Variants in SCGB2B2 observed in about 807,000 individuals in gnomAD.
SCGB2B2 encodes secretoglobin-like protein.
In SCGB2B2, 11 loss-of-function variants were observed where a neutral mutation model predicts 7.6. That is an observed-to-expected ratio of 1.45 (90% confidence interval 0.91 to 2.40). The LOEUF is 2.40. Among genes scored for constraint, SCGB2B2 ranks in the 30% most tolerant of loss-of-function variants. The probability of loss-of-function intolerance (pLI) is 0.00; values close to 1 mark genes in which losing one functional copy is unlikely to be tolerated. For missense variants in SCGB2B2, 104 were observed against 115.4 expected (o/e 0.90, Z 0.45); for synonymous variants, 50 against 48.6 (o/e 1.03, Z -0.12).
chr19:34,673,513 G>C (rs2067851076), intron 1 of SCGB2B2, among the ~76,000 whole-genome samples: 2 of 152,172 alleles, frequency 1.3e-5, no homozygotes, highest in South Asian at 4.1e-4. Flanking sequence ...TACACCATTA[G>C]TGAGCAGGAG....
At chr19:34,645,060 G>A (rs781246968) in intron 1 of SCGB2B2, among the ~76,000 whole-genome samples, 13 of 152,208 alleles carry the variant, frequency 8.5e-5, no homozygotes, top group Admixed American at 2.6e-4. Flanking sequence ...TCCACTGCAC[G>A]CCCAGGTGTC....
chr19:34,656,026 C>T (rs1183986264), intron 1 of SCGB2B2, among the ~76,000 whole-genome samples: 13 of 151,212 alleles, frequency 8.6e-5, no homozygotes, highest in Non-Finnish European at 1.8e-4. Flanking sequence ...CCTCTACATC[C>T]CCCAATTCAT....
At chr19:34,618,406 G>C (rs2066149435) in intron 1 of SCGB2B2, among the ~76,000 whole-genome samples, 1 of 152,178 alleles carries the variant, frequency 6.6e-6, no homozygotes, top group Non-Finnish European at 1.5e-5. Flanking sequence ...CCCAGATTCT[G>C]GCCCTGTATC....
At chr19:34,646,030 T>C in intron 1 of SCGB2B2, 1 of 294,090 alleles carries the variant, frequency 3.4e-6, no homozygotes, top group Non-Finnish European at 6.7e-6. Flanking sequence ...TTTGCCTCTG[T>C]TTCATTCCCA....
chr19:34,599,831 C>T (rs1219361853), intron 1 of SCGB2B2, among the ~76,000 whole-genome samples: 1 of 152,122 alleles, frequency 6.6e-6, no homozygotes, highest in East Asian at 1.9e-4. Context: ...TCCCATTTCT[C>T]CCTTTCCCTC....
intron 1 of SCGB2B2, among the ~76,000 whole-genome samples, chr19:34,675,225 A>C (rs1044353603): frequency 6.6e-6 from 1 of 152,252 alleles, no homozygotes; most frequent in Non-Finnish European, 1.5e-5. Context: ...AATTGGTACA[A>C]CTTTGGAAAA....
chr19:34,590,436 G>A (rs1243310076), downstream of SCGB2B2, among the ~76,000 whole-genome samples: 1 of 151,868 alleles, frequency 6.6e-6, no homozygotes, highest in Non-Finnish European at 1.5e-5. Flanking sequence ...ATCCATAGAT[G>A]CATCTATCCA....
At chr19:34,647,139 T>G (rs1354366872) in intron 1 of SCGB2B2, among the ~76,000 whole-genome samples, 1 of 152,160 alleles carries the variant, frequency 6.6e-6, no homozygotes, top group Admixed American at 6.5e-5. Context: ...CTCGGGCTGT[T>G]GGGACCAGGC....
intron 1 of SCGB2B2, among the ~76,000 whole-genome samples, chr19:34,613,503 C>A (rs2065990829): frequency 2.6e-5 from 4 of 152,180 alleles, no homozygotes; most frequent in Admixed American, 1.3e-4. Context: ...CAGACAGTTT[C>A]TATCTTTTAA....
In SCGB2B2 at chr19:34,594,700, T is replaced by A. The variant is rs112981028; in HGVS notation, c.-137A>T. 3.5e-4 allele frequency: 212 copies of A among 605,618 alleles called. 1 individual carries two copies. In the African/African-American group the frequency reaches 3.8e-3, roughly 11 times the overall value. 37.5% of individuals were successfully genotyped at this position (605,618 alleles called of 1,614,324 possible). ...GTGTGTGTGTGTGTGTGTGTGTGTG[T>A]GTGAATGTGGTCAGGGCAGGTCTGC... On this transcript the variant is annotated 5_prime_UTR_variant, in exon 2 of 4. Transcript: ENST00000601241.
At chr19:34,654,935 G>C (rs1233826351) in intron 1 of SCGB2B2, among the ~76,000 whole-genome samples, 3 of 151,192 alleles carry the variant, frequency 2.0e-5, no homozygotes, top group Non-Finnish European at 2.9e-5. Context: ...TGTGCAGCAG[G>C]CAGGAAGAAT....
At chr19:34,645,735 C>G (rs750501255) in intron 1 of SCGB2B2, 2 of 388,464 alleles carry the variant, frequency 5.1e-6, no homozygotes, top group Non-Finnish European at 1.0e-5. Flanking sequence ...GAGAAAGAAG[C>G]GGGCAGGGCT....
chr19:34,674,904 A>T (rs1023719611), intron 1 of SCGB2B2, among the ~76,000 whole-genome samples: 1 of 152,206 alleles, frequency 6.6e-6, no homozygotes, highest in Non-Finnish European at 1.5e-5. Context: ...TTAATAACCT[A>T]GTCACTGCAC....
chr19:34,622,927 T>C (rs1172481399), intron 1 of SCGB2B2, among the ~76,000 whole-genome samples: 1 of 152,024 alleles, frequency 6.6e-6, no homozygotes, highest in East Asian at 1.9e-4. Flanking sequence ...GGTTTTTTTT[T>C]TTTTTTATTA....
At chr19:34,667,018 A>AT (rs2067646686) in intron 1 of SCGB2B2, among the ~76,000 whole-genome samples, 1 of 152,006 alleles carries the variant, frequency 6.6e-6, no homozygotes, top group East Asian at 1.9e-4. Flanking sequence ...ACTCAAGGAC[A>AT]TGGTGACCAA....
intron 1 of SCGB2B2, among the ~76,000 whole-genome samples, chr19:34,599,691 A>C (rs533095764): frequency 6.6e-6 from 1 of 152,076 alleles, no homozygotes; most frequent in Admixed American, 6.5e-5. Context: ...GAGCCAAACC[A>C]TATCACCATC....
chr19:34,666,970 TATC>T (rs899132528), intron 1 of SCGB2B2, among the ~76,000 whole-genome samples: 13 of 152,008 alleles, frequency 8.6e-5, no homozygotes, highest in African/African-American at 2.9e-4. Flanking sequence ...TGTCAACAGA[TATC>T]ATCCCACGGA....
At chr19:34,612,018 A>ATTTT (rs1568431496) in intron 1 of SCGB2B2, among the ~76,000 whole-genome samples, 2 of 78,676 alleles carry the variant, frequency 2.5e-5, no homozygotes, top group South Asian at 3.8e-4. Flanking sequence ...TGTTTTAGAA[A>ATTTT]ATTCTTTTTT....
chr19:34,596,780 G>A (rs1409905136), intron 1 of SCGB2B2, among the ~76,000 whole-genome samples, 186 bp from the exon 2 acceptor site: 1 of 152,048 alleles, frequency 6.6e-6, no homozygotes, highest in African/African-American at 2.4e-5. Context: ...GCAGCTGAAA[G>A]GTGTGGGCTC....
Sources: gnomAD v4.1 joint callset for allele counts (sites outside exome capture counted in the v4.1 genomes callset) on GRCh38, gnomAD v4.1.1 for gene constraint, MANE v1.5 for transcripts, NCBI Gene and HGNC (gene_info 2026-07-23, HGNC 2026-07-21) for gene names.